Variants in NTM observed in about 807,000 individuals in gnomAD.
NTM encodes neurotrimin.
NTM carries 13 observed loss-of-function variants against 42.1 expected under a neutral mutation model. The ratio of observed to expected loss-of-function variants is 0.31; its 90% CI spans 0.20 to 0.49. NTM has a LOEUF of 0.49. NTM is among the 20% of genes least tolerant of loss of function. The pLI, the probability that NTM is intolerant of heterozygous loss-of-function variation, is 0.99. For synonymous variants in NTM, 187 were observed against 179.2 expected, an observed-to-expected ratio of 1.04 and a Z score of -0.35; for missense variants, 373 against 452.8, an observed-to-expected ratio of 0.82 and a Z score of 1.60.
At chr11:131,768,283 T>G (rs2085471378) in intron 1 of NTM, among the ~76,000 whole-genome samples, 1 of 152,020 alleles carries the variant, frequency 6.6e-6, no homozygotes, top group African/African-American at 2.4e-5. Context: ...CATGCCCGGC[T>G]AATTTTGTAT....
At chr11:131,444,134 C>T (rs1234460458) in intron 1 of NTM, among the ~76,000 whole-genome samples, 1 of 126,354 alleles carries the variant, frequency 7.9e-6, no homozygotes. Flanking sequence ...GAGTTGAGCT[C>T]ATTTAAGAAA....
At chr11:131,690,651 C>T (rs2074549292) in intron 1 of NTM, among the ~76,000 whole-genome samples, 1 of 152,198 alleles carries the variant, frequency 6.6e-6, no homozygotes, top group Non-Finnish European at 1.5e-5. Context: ...GCGCGGGGCG[C>T]GGGGCCTGAG....
At chr11:131,743,661 A>G (rs1348443017) in intron 1 of NTM, among the ~76,000 whole-genome samples, 1 of 152,218 alleles carries the variant, frequency 6.6e-6, no homozygotes, top group African/African-American at 2.4e-5. Context: ...CCTGCAAGCT[A>G]CTGCACCTGT....
chr11:132,172,679 G>A (rs1379234230), intron 3 of NTM, among the ~76,000 whole-genome samples: 1 of 152,182 alleles, frequency 6.6e-6, no homozygotes, highest in Non-Finnish European at 1.5e-5. Context: ...GTGTATAGTG[G>A]AGAGTTCCAG....
rs78786338 is a variant in NTM, at chr11:132,156,369, C to T, written c.400+9855C>T. 5.5e-3 allele frequency among the ~76,000 whole-genome samples: 845 copies of T among 152,330 alleles called. 6 individuals are homozygous for T. The highest frequency in any genetic ancestry group is 0.01 in the South Asian group (49 of 4,828). ...AATTCTCTTTTGCTTTTCACCCAGT[C>T]GGTCCTATTTATCCTTCAGACTTTG... On this transcript the variant is annotated intron_variant, in intron 3 of 8. Coordinates refer to ENST00000683400, the MANE Select transcript of NTM (RefSeq NM_001352005.2).
intron 1 of NTM, among the ~76,000 whole-genome samples, chr11:131,832,857 T>G (rs2042993855): frequency 1.3e-5 from 2 of 152,214 alleles, no homozygotes; most frequent in Non-Finnish European, 2.9e-5. Context: ...CTTTAAAAAC[T>G]GTTAAGTTCT....
intron 1 of NTM, among the ~76,000 whole-genome samples, chr11:131,439,543 T>C (rs545005777): frequency 2.2e-4 from 33 of 152,334 alleles, no homozygotes; most frequent in South Asian, 4.1e-4. Context: ...GCCAGGCTGC[T>C]GCCTTGCAGG....
chr11:131,582,521 C>A (rs1231966260), intron 1 of NTM: 2 of 151,338 alleles, frequency 1.3e-5, no homozygotes, highest in Non-Finnish European at 2.9e-5. Context: ...CCAAGACTTA[C>A]CACTTATTAG....
intron 2 of NTM, among the ~76,000 whole-genome samples, chr11:131,948,008 A>G (rs1344941722): frequency 1.3e-5 from 2 of 152,112 alleles, no homozygotes; most frequent in Non-Finnish European, 2.9e-5. Context: ...GGTCCATGCA[A>G]TGCTATCTTT....
intron 2 of NTM, among the ~76,000 whole-genome samples, chr11:132,120,781 C>A (rs1312375989): frequency 2.0e-5 from 3 of 152,118 alleles, no homozygotes; most frequent in African/African-American, 4.8e-5. Context: ...TTTCTAGATT[C>A]TCCGTGGATG....
intron 1 of NTM, among the ~76,000 whole-genome samples, chr11:131,520,531 A>G (rs1407486041): frequency 2.0e-5 from 3 of 152,296 alleles, no homozygotes; most frequent in Non-Finnish European, 4.4e-5. Flanking sequence ...CAGGATAGCC[A>G]CGCAATTTGA....
At chr11:131,831,794 C>T (rs912937712) in intron 1 of NTM, among the ~76,000 whole-genome samples, 4 of 152,014 alleles carry the variant, frequency 2.6e-5, no homozygotes, top group African/African-American at 4.8e-5. Flanking sequence ...GAGATTGAAT[C>T]TTACTTGACC....
At chr11:131,379,490 T>C (rs1265940728) in intron 1 of NTM, among the ~76,000 whole-genome samples, 1 of 152,198 alleles carries the variant, frequency 6.6e-6, no homozygotes, top group Non-Finnish European at 1.5e-5. Context: ...TGGGTCTGCC[T>C]CTTTCTGGTT....
chr11:131,456,499 G>C (rs899410637), intron 1 of NTM, among the ~76,000 whole-genome samples: 1 of 152,132 alleles, frequency 6.6e-6, no homozygotes, highest in African/African-American at 2.4e-5. Flanking sequence ...CCCCAGCATG[G>C]CTCCCAAAAC....
At chr11:132,166,047 T>A (rs545068865) in intron 3 of NTM, among the ~76,000 whole-genome samples, 1 of 152,198 alleles carries the variant, frequency 6.6e-6, no homozygotes, top group South Asian at 2.1e-4. Context: ...CACCTAAAGC[T>A]CTTTATGGCC....
chr11:132,275,346 T>C (rs1236162248), intron 4 of NTM, among the ~76,000 whole-genome samples: 1 of 152,088 alleles, frequency 6.6e-6, no homozygotes, highest in Non-Finnish European at 1.5e-5. Context: ...CAATTGACTT[T>C]ATATGTATGG....
chr11:131,992,426 G>C (rs1386722962), intron 2 of NTM, among the ~76,000 whole-genome samples: 1 of 151,434 alleles, frequency 6.6e-6, no homozygotes, highest in Non-Finnish European at 1.5e-5. Context: ...AACTGCATGG[G>C]GGTCCACACT....
At chr11:131,830,644 C>A (rs529961311) in intron 1 of NTM, among the ~76,000 whole-genome samples, 1 of 152,090 alleles carries the variant, frequency 6.6e-6, no homozygotes, top group Non-Finnish European at 1.5e-5. Context: ...ATTGCTTTGG[C>A]TATTTGGGCT....
intron 4 of NTM, among the ~76,000 whole-genome samples, chr11:132,307,126 G>T (rs771149945): frequency 3.3e-5 from 5 of 152,122 alleles, no homozygotes; most frequent in African/African-American, 1.2e-4. Context: ...AGTTTAGCAC[G>T]TTGATTTCTG....
Sources: gnomAD v4.1 joint callset for allele counts (sites outside exome capture counted in the v4.1 genomes callset) on GRCh38, gnomAD v4.1.1 for gene constraint, MANE v1.5 for transcripts, NCBI Gene and HGNC (gene_info 2026-07-23, HGNC 2026-07-21) for gene names.